Variants in IGSF10 observed in about 807,000 individuals in gnomAD.
IGSF10 encodes the protein immunoglobulin superfamily member 10, also known as calvaria mechanical force protein 608.
Under a neutral mutation model 128.2 loss-of-function variants are expected in IGSF10, and 126 were observed. That is an observed-to-expected ratio of 0.98 (90% CI 0.85 to 1.14). The LOEUF (loss-of-function observed/expected upper bound fraction) is 1.14, where lower values mean the gene tolerates loss of function less well. IGSF10 is among the 50% of genes most tolerant of loss of function. The pLI, the probability that IGSF10 is intolerant of heterozygous loss-of-function variation, is 0.00. For synonymous variants in IGSF10, 1,185 were observed against 1,146.2 expected (o/e 1.03, Z -0.68); for missense variants, 3,295 against 3,149.8 (o/e 1.05, Z -1.10).
chr3:151,489,243 A>G, the IGSF10 span, among the ~76,000 whole-genome samples: 3 of 152,242 alleles, frequency 2.0e-5, no homozygotes, highest in Admixed American at 6.5e-5. Flanking sequence ...ATCACTGGTC[A>G]TTAGAGAAAT....
rs747339132 is a variant in IGSF10 at position 151,445,339 on chromosome 3, G to T, written c.4642C>A (p.His1548Asn). The change falls in exon 6 of 8, where the codon CAT becomes AAT. Residue 1548 changes from histidine (H) to asparagine (N), a missense_variant. Coordinates refer to ENST00000282466, the MANE Select transcript of IGSF10 (RefSeq NM_178822.5). ...TTHFIYSNLL[H>N]STPMPALTTV... ...GTTAGTGCTGGCATGGGAGTAGAAT[G>T]TAACAGATTAGAGTAGATGAAGTGA... The T allele has an allele frequency of 6.2e-7, 1 of 1,614,214 alleles. No homozygotes were observed.
chr3:151,588,292 T>G, the IGSF10 span, among the ~76,000 whole-genome samples: 1 of 152,102 alleles, frequency 6.6e-6, no homozygotes, highest in Admixed American at 6.5e-5. Flanking sequence ...TGGCCTTTCT[T>G]GTTCTGGTCC....
chr3:151,542,169 A>C, the IGSF10 span, among the ~76,000 whole-genome samples: 1 of 152,156 alleles, frequency 6.6e-6, no homozygotes, highest in East Asian at 1.9e-4. Flanking sequence ...AAACATTTCA[A>C]AATAAATCCA....
chr3:151,549,696 C>T, the IGSF10 span, among the ~76,000 whole-genome samples: 4 of 151,976 alleles, frequency 2.6e-5, no homozygotes, highest in African/African-American at 9.7e-5. Context: ...TTAGATGGCT[C>T]TTTGCTATGA....
At chr3:151,434,636 A>G (rs1311137249), downstream of IGSF10, 1 of 152,260 alleles carries the variant, frequency 6.6e-6, no homozygotes, top group African/African-American at 2.4e-5. Context: ...TAATATATCT[A>G]TATAATGACT....
At chr3:151,541,481 T>C in the IGSF10 span, among the ~76,000 whole-genome samples, 13 of 152,330 alleles carry the variant, frequency 8.5e-5, no homozygotes, top group African/African-American at 1.4e-4. Context: ...GTCATATAGA[T>C]GAGATTTAAA....
the IGSF10 span, among the ~76,000 whole-genome samples, chr3:151,529,968 G>C: frequency 6.6e-6 from 1 of 151,826 alleles, no homozygotes; most frequent in Non-Finnish European, 1.5e-5. Context: ...CTTGAAAAAA[G>C]GTTAGACGAA....
chr3:151,452,574 T>G (rs1721559506), intron 5 of IGSF10, among the ~76,000 whole-genome samples: 2 of 152,168 alleles, frequency 1.3e-5, no homozygotes. Context: ...GATGTCAGTA[T>G]GCAGTGTGTG....
In IGSF10 at chr3:151,438,115, G is replaced by T. The variant is rs1309453582; in HGVS notation, c.6446C>A (p.Thr2149Asn). ...GTCTCCAGCTTTGATTCTCTTGTTG[G>T]TTTTGTTACTCTGCCTTATCCGGGG... ...AAPRIRQSNK[T>N]NKRIKAGDTA... Residue 2149 changes from threonine to asparagine, a missense_variant, in exon 8 of 8, where the codon ACC (threonine) becomes AAC (asparagine). Coordinates refer to ENST00000282466, the MANE Select transcript of IGSF10 (RefSeq NM_178822.5). The T allele has an allele frequency of 1.9e-6, 3 of 1,614,034 alleles. No individual in the cohort carries two copies. Among genetic ancestry groups the T allele is most frequent in the East Asian group, 4.5e-5 (2 of 44,894 alleles).
chr3:151,434,850 G>GTTAAA (rs1172755720), downstream of IGSF10: 2 of 152,184 alleles, frequency 1.3e-5, no homozygotes, highest in Admixed American at 6.5e-5. Flanking sequence ...GCAGAGGTGA[G>GTTAAA]TTAAATTATT....
chr3:151,465,463 G>A (rs1282321691), upstream of IGSF10, among the ~76,000 whole-genome samples: 14 of 152,246 alleles, frequency 9.2e-5, no homozygotes, highest in Non-Finnish European at 2.9e-5. Context: ...AAAGCCATTG[G>A]TTGAGGTTTG....
chr3:151,564,223 A>T, the IGSF10 span, among the ~76,000 whole-genome samples: 1 of 152,192 alleles, frequency 6.6e-6, no homozygotes, highest in African/African-American at 2.4e-5. Context: ...ACATATTTTT[A>T]GGGCATTACA....
the IGSF10 span, among the ~76,000 whole-genome samples, chr3:151,489,719 G>A: frequency 6.6e-6 from 1 of 151,974 alleles, no homozygotes; most frequent in South Asian, 2.1e-4. Context: ...ACTAACAGAA[G>A]AACAGAAAAC....
chr3:151,602,912 G>A, the IGSF10 span, among the ~76,000 whole-genome samples: 2 of 152,182 alleles, frequency 1.3e-5, no homozygotes, highest in Admixed American at 6.5e-5. Context: ...TGACTAAACT[G>A]TTCTTAGGTG....
Position 151,437,157 on chromosome 3 carries a change from C to A in IGSF10, c.7404G>T (p.Met2468Ile), listed in dbSNP as rs774439045. ...GIPKPNIKWT[M>I]PSGYVVDRPQ... Reference sequence around the variant, plus strand: ...GCCTGTCTACTACATAACCACTTGGCATAGTCCATTTGATATTTGGCTTAG... The same window carrying A: ...GCCTGTCTACTACATAACCACTTGGAATAGTCCATTTGATATTTGGCTTAG... The change falls in exon 8 of 8, where the codon ATG (methionine) becomes ATT (isoleucine). Residue 2468 changes from methionine to isoleucine, a missense_variant. Transcript: ENST00000282466. 4 of 1,614,166 alleles carry A rather than the reference C, an allele frequency of 2.5e-6. No individual in the cohort carries two copies. The South Asian group carries it at 3.3e-5, about 13-fold the overall frequency.
chr3:151,537,097 G>C, the IGSF10 span, among the ~76,000 whole-genome samples: 3 of 152,208 alleles, frequency 2.0e-5, no homozygotes, highest in Non-Finnish European at 4.4e-5. Flanking sequence ...TGGGGGGACT[G>C]TGAGGGAAAA....
the IGSF10 span, among the ~76,000 whole-genome samples, chr3:151,514,775 A>G: frequency 6.6e-6 from 1 of 152,192 alleles, no homozygotes; most frequent in South Asian, 2.1e-4. Flanking sequence ...TTACAAGAAA[A>G]AAACAAACAA....
rs1720182234 is a variant in IGSF10, at chr3:151,436,231, A to G, written c.*458T>C. 6.5e-6 allele frequency: 1 copy of G among 153,748 alleles called. No homozygotes were observed. Among genetic ancestry groups the G allele is most frequent in the African/African-American group, 2.4e-5 (1 of 41,424 alleles). The allele number at this position is 153,748 out of a possible 1,614,324, so 9.5% of individuals were successfully genotyped here. On this transcript the variant is annotated 3_prime_UTR_variant, in exon 8 of 8. Transcript: ENST00000282466. ...TCTGTAGGTTTTAGCAAAAAAATTT[A>G]TAAACCACAAAATATTTATACATCA...
chr3:151,537,806 T>C, the IGSF10 span, among the ~76,000 whole-genome samples: 14 of 152,338 alleles, frequency 9.2e-5, no homozygotes, highest in East Asian at 1.3e-3. Context: ...CTTCTAAAAA[T>C]TGGAGCAACA....
Sources: gnomAD v4.1 joint callset for allele counts (sites outside exome capture counted in the v4.1 genomes callset) on GRCh38, gnomAD v4.1.1 for gene constraint, MANE v1.5 for transcripts, NCBI Gene and HGNC (gene_info 2026-07-23, HGNC 2026-07-21) for gene names.